CFAP74: variants seen among roughly 807,000 people sequenced by gnomAD.
The protein encoded by CFAP74 is cilia- and flagella-associated protein 74.
CFAP74 carries 124 observed loss-of-function variants against 188.9 expected under a neutral mutation model. The ratio of observed to expected loss-of-function variants is 0.66; its 90% CI spans 0.57 to 0.76. The LOEUF (loss-of-function observed/expected upper bound fraction) is 0.76. Ranked by LOEUF, CFAP74 falls within the 30% of genes least tolerant of loss-of-function variation. The probability of loss-of-function intolerance (pLI) is 0.00; values close to 1 mark genes in which losing one functional copy is unlikely to be tolerated. For synonymous variants in CFAP74, 956 were observed against 916.7 expected (o/e 1.04, Z -0.77); for missense variants, 2,198 against 2,165.2 (o/e 1.02, Z -0.30).
chr1:1,937,211 A>G (rs1035416420), intron 25 of CFAP74, among the ~76,000 whole-genome samples: 4 of 152,192 alleles, frequency 2.6e-5, no homozygotes, highest in African/African-American at 9.7e-5. Flanking sequence ...GCTGAGGGAG[A>G]GGCGACGGGG....
chr1:1,923,389 T>C lies in CFAP74; in HGVS notation c.4500A>G (p.Val1500=). 1 of 1,585,604 alleles carries C rather than the reference T, an allele frequency of 6.3e-7. No individual in the cohort carries two copies. The highest frequency in any genetic ancestry group is 8.6e-7 in the Non-Finnish European group (1 of 1,166,876). The change falls in exon 36 of 39, where the codon GTA becomes GTG. Residue 1500 remains valine, a synonymous_variant. Transcript: ENST00000682832. This position sits in a 1 kb window ranked among gnomAD's most constrained non-coding sequence, Gnocchi z 6.3. ...CACCCTCTCTGTGCCTGGGGTCAAA[T>C]ACAGGGATCGCTGTCAGAGACTCCA... ...VPVESLTAIP[V]FDPRHREASS...
intron 1 of CFAP74, among the ~76,000 whole-genome samples, chr1:2,001,360 C>T (rs1168745758): frequency 4.0e-5 from 6 of 149,854 alleles, no homozygotes; most frequent in Non-Finnish European, 8.9e-5. Flanking sequence ...GACGGAGTCT[C>T]GCTCTGTCGC....
intron 18 of CFAP74, among the ~76,000 whole-genome samples, chr1:1,952,860 G>C (rs775395003): frequency 1.3e-5 from 2 of 151,998 alleles, no homozygotes; most frequent in Non-Finnish European, 2.9e-5. Flanking sequence ...GTCTCCCTAT[G>C]TTTCCCAGGC....
chr1:1,955,367 C>T (rs1570905059), intron 18 of CFAP74: 6 of 1,347,682 alleles, frequency 4.5e-6, no homozygotes, highest in Non-Finnish European at 5.8e-6. Flanking sequence ...ACAGAAGCCC[C>T]CCGCAGCCCG....
chr1:1,957,876 G>A (rs1409463712), intron 16 of CFAP74, among the ~76,000 whole-genome samples: 1 of 152,090 alleles, frequency 6.6e-6, no homozygotes, highest in African/African-American at 2.4e-5. Context: ...AACCGTGACC[G>A]CTCTGAGGAG....
chr1:2,000,569 G>A (rs1397256273), intron 1 of CFAP74, among the ~76,000 whole-genome samples: 1 of 152,186 alleles, frequency 6.6e-6, no homozygotes, highest in Non-Finnish European at 1.5e-5. Context: ...GTCTAAAACC[G>A]AGTTGATGGC....
At position 1,942,132 on chromosome 1, in the gene CFAP74, C is replaced by T. The variant is rs575772930; in HGVS notation, c.2511G>A (p.Lys837=). The part of the protein sequence containing the change: ...HTRSKAALRL[K]FEVCKELRAH... ...CCCTCAGCTCCTTGCACACCTCGAA[C>T]TTCAGGCGCAGGGCAGCTTTCGACC... The change falls in exon 22 of 39, where the codon AAG becomes AAA. Residue 837 remains lysine, a synonymous_variant. Transcript: ENST00000682832. The surrounding 1 kb of genome is among the most constrained non-coding windows in gnomAD (Gnocchi z 4.3). 3 of 1,525,978 alleles carry T rather than the reference C, an allele frequency of 2.0e-6. No individual in the cohort carries two copies. The highest frequency in any genetic ancestry group is 2.7e-5 in the African/African-American group (2 of 72,762). The allele number at this position is 1,525,978 out of a possible 1,614,324, so 94.5% of individuals were successfully genotyped here.
chr1:1,925,248 G>T (rs1177281507), intron 33 of CFAP74, among the ~76,000 whole-genome samples: 1 of 149,128 alleles, frequency 6.7e-6, no homozygotes, highest in East Asian at 2.0e-4. Context: ...AGGCATGAGG[G>T]CACACAGGGC....
At chr1:1,971,435 G>A (rs988470148) in intron 9 of CFAP74, among the ~76,000 whole-genome samples, 5 of 152,030 alleles carry the variant, frequency 3.3e-5, no homozygotes, top group Admixed American at 2.0e-4. Flanking sequence ...ACATGCAAAC[G>A]TGCACACACA....
intron 25 of CFAP74, among the ~76,000 whole-genome samples, chr1:1,934,040 A>T (rs897994779): frequency 6.6e-6 from 1 of 152,204 alleles, no homozygotes; most frequent in Non-Finnish European, 1.5e-5. Flanking sequence ...GAGGGGAGAC[A>T]AGCAAAATCC....
chr1:1,988,469 G>A, intron 4 of CFAP74, 43 bp downstream of exon 4: 1 of 1,602,900 alleles, frequency 6.2e-7, no homozygotes, highest in Non-Finnish European at 8.5e-7. Context: ...CGGCCTGGGG[G>A]GCATCAAGAG....
chr1:1,993,635 A>G (rs919787880), intron 1 of CFAP74, among the ~76,000 whole-genome samples: 1 of 151,574 alleles, frequency 6.6e-6, no homozygotes, highest in Non-Finnish European at 1.5e-5. Context: ...TTTAACGCCT[A>G]TTAATCACAT....
At chr1:1,985,531 C>T (rs1459869089) in intron 5 of CFAP74, 41 bp from the exon 6 acceptor site, 1 of 1,512,224 alleles carries the variant, frequency 6.6e-7, no homozygotes, top group African/African-American at 1.4e-5. Context: ...TGTCAGGCCT[C>T]AGTCATCCAG....
At chr1:1,957,381 C>T (rs1201272881) in intron 16 of CFAP74, among the ~76,000 whole-genome samples, 1 of 152,234 alleles carries the variant, frequency 6.6e-6, no homozygotes, top group Non-Finnish European at 1.5e-5. Context: ...GGACCAGGGG[C>T]CACCGACGCA....
At chr1:1,943,467 G>A (rs901267717) in intron 21 of CFAP74, among the ~76,000 whole-genome samples, 3 of 152,252 alleles carry the variant, frequency 2.0e-5, no homozygotes, top group South Asian at 2.1e-4. Context: ...GCCGGTGCCC[G>A]GGGCCTCTGT....
In CFAP74 at chr1:1,988,233, A is replaced by G. The variant is rs1437890260; in HGVS notation, c.296+279T>C. On this transcript the variant is annotated intron_variant, in intron 4 of 38. Transcript: ENST00000682832. The stretch of plus-strand genomic sequence containing the variant: ...AAAATACAAACACACACAAACACAG[A>G]AAGAAGCTACAACGAAAGCTTGACA... 3 of 632,246 alleles carry G rather than the reference A, an allele frequency of 4.7e-6. No homozygotes were observed. The African/African-American group carries it at 5.4e-5, about 11-fold the overall frequency. The allele number at this position is 632,246 out of a possible 1,614,324, so 39.2% of individuals were successfully genotyped here.
At chr1:1,985,172 T>G in intron 6 of CFAP74, 1 of 512,556 alleles carries the variant, frequency 2.0e-6, no homozygotes, top group Non-Finnish European at 3.5e-6. Flanking sequence ...ATTTTGGAGT[T>G]CCTAGGAACA....
chr1:1,976,511 T>C (rs1377032304), intron 6 of CFAP74, among the ~76,000 whole-genome samples: 1 of 152,096 alleles, frequency 6.6e-6, no homozygotes, highest in Non-Finnish European at 1.5e-5. Flanking sequence ...CTGTACAGCC[T>C]GCAGAACCCT....
intron 22 of CFAP74, among the ~76,000 whole-genome samples, chr1:1,941,500 G>T (rs1035356186): frequency 6.6e-6 from 1 of 152,228 alleles, no homozygotes; most frequent in African/African-American, 2.4e-5. Context: ...TTAGACGAGG[G>T]ACAGCTGGGT....
Sources: allele counts gnomAD v4.1 joint callset (sites outside exome capture counted in the v4.1 genomes callset), GRCh38; gene constraint gnomAD v4.1.1; non-coding constraint Gnocchi (gnomAD v3.1); transcripts MANE v1.5; gene names NCBI Gene and HGNC (gene_info 2026-07-23, HGNC 2026-07-21).